Variants in CA12 observed in about 807,000 individuals in gnomAD.
The protein encoded by CA12 is carbonic anhydrase 12.
In CA12, 36 loss-of-function variants were observed where a neutral mutation model predicts 46.8. The observed-to-expected ratio is 0.77, with a 90% CI of 0.59 to 1.02. The LOEUF (loss-of-function observed/expected upper bound fraction) is 1.02. Ranked by LOEUF, CA12 falls within the 50% of genes least tolerant of loss-of-function variation. The probability of loss-of-function intolerance (pLI) is 0.00; values close to 1 mark genes in which losing one functional copy is unlikely to be tolerated. For synonymous variants in CA12, 202 were observed against 187.0 expected (o/e 1.08, Z -0.65); for missense variants, 436 against 451.4 (o/e 0.97, Z 0.31).
chr15:63,376,110 A>C (rs942003887), intron 1 of CA12, among the ~76,000 whole-genome samples: 1 of 152,090 alleles, frequency 6.6e-6, no homozygotes, highest in African/African-American at 2.4e-5. Context: ...TGCCCGGCCA[A>C]ATTGAAACTT....
chr15:63,368,499 G>A (rs555864305), intron 2 of CA12, among the ~76,000 whole-genome samples: 12 of 152,318 alleles, frequency 7.9e-5, no homozygotes, highest in South Asian at 2.1e-4. Context: ...CCTCCTGCCC[G>A]CAGCCACCTT....
At position 63,381,753 on chromosome 15, in the gene CA12, G is replaced by C; in HGVS notation, c.-33C>G. 2 of 1,475,522 alleles carry C rather than the reference G, an allele frequency of 1.4e-6. No homozygotes were observed. The highest frequency in any genetic ancestry group is 1.8e-6 in the Non-Finnish European group (2 of 1,102,634). 91.4% of individuals were successfully genotyped at this position (1,475,522 alleles called of 1,614,324 possible). ...GGCTCCTGCGGGGCGGGCGCGGGCTGTGCCGGGGGCTCCCGGTGGCCGCTC... is the reference window on the plus strand; with the variant it reads ...GGCTCCTGCGGGGCGGGCGCGGGCTCTGCCGGGGGCTCCCGGTGGCCGCTC... On this transcript the variant is annotated 5_prime_UTR_variant, in exon 1 of 11. Transcript: ENST00000178638.
In CA12 at chr15:63,328,019, G is replaced by C. The variant is rs960508566; in HGVS notation, c.907+79C>G. On this transcript the variant is annotated intron_variant, in intron 9 of 10. Coordinates refer to ENST00000178638, the MANE Select transcript of CA12 (RefSeq NM_001218.5). The surrounding 1 kb of genome is among the most constrained non-coding windows in gnomAD (Gnocchi z 5.9). ...CAGAGCAATAGTACAGAGAAGCAGA[G>C]AGGACGGGCTTGGATCACACCAAGA... The C allele has an allele frequency of 1.5e-6, 2 of 1,348,394 alleles. No individual in the cohort carries two copies. The highest frequency in any genetic ancestry group is 2.1e-6 in the Non-Finnish European group (2 of 939,284). 83.5% of individuals were successfully genotyped at this position (1,348,394 alleles called of 1,614,324 possible). A position where few individuals can be genotyped will look rare whatever the true frequency, so the allele number is the denominator to read the frequency against.
intron 1 of CA12, among the ~76,000 whole-genome samples, chr15:63,380,122 G>C (rs945469446): frequency 2.0e-5 from 3 of 152,180 alleles, no homozygotes; most frequent in African/African-American, 7.2e-5. Flanking sequence ...CAAGGAAACT[G>C]CATGAGAATT....
chr15:63,337,712 C>T (rs2039021333), intron 8 of CA12, among the ~76,000 whole-genome samples: 1 of 151,478 alleles, frequency 6.6e-6, no homozygotes, highest in African/African-American at 2.4e-5. Context: ...ACCTCGGCCT[C>T]CCAAAGGAGG....
At chr15:63,334,854 G>C (rs1484323171) in intron 8 of CA12, among the ~76,000 whole-genome samples, 1 of 152,146 alleles carries the variant, frequency 6.6e-6, no homozygotes, top group African/African-American at 2.4e-5. Context: ...AATTCTAAAG[G>C]AAGATGGGGA....
chr15:63,381,348 T>G (rs930240036), intron 1 of CA12, among the ~76,000 whole-genome samples: 1 of 152,116 alleles, frequency 6.6e-6, no homozygotes, highest in Non-Finnish European at 1.5e-5. Flanking sequence ...TTGCATCTCC[T>G]CCCTGGTTAG....
Position 63,340,671 on chromosome 15 carries a change from C to T in CA12, c.589+49G>A, listed in dbSNP as rs773989455. On this transcript the variant is annotated intron_variant, in intron 6 of 10. Coordinates refer to ENST00000178638, the MANE Select transcript of CA12 (RefSeq NM_001218.5). The surrounding 1 kb of genome is among the most constrained non-coding windows in gnomAD (Gnocchi z 4.4). ...TTTTCTTAAAGTCACACAGGGCTGA[C>T]TACCTCCTTCTCCAGCAGAGAGTGA... 18 of 1,577,330 alleles carry T rather than the reference C, an allele frequency of 1.1e-5. No individual in the cohort carries two copies. In the Admixed American group the frequency reaches 2.2e-4, roughly 19 times the overall value.
Position 63,355,996 on chromosome 15 carries a change from C to T in CA12, c.107-9287G>A, listed in dbSNP as rs905764998. 6.6e-6 allele frequency among the ~76,000 whole-genome samples: 1 copy of T among 152,224 alleles called. No homozygotes were observed. The highest frequency in any genetic ancestry group is 1.5e-5 in the Non-Finnish European group (1 of 68,048). Reference sequence around the variant, plus strand: ...TTTTCATGCACTGTTATATGCATAACATTTACATGATTAAATATGGTGTTT... The same window carrying T: ...TTTTCATGCACTGTTATATGCATAATATTTACATGATTAAATATGGTGTTT... On this transcript the variant is annotated intron_variant, in intron 2 of 10. Coordinates refer to ENST00000178638, the MANE Select transcript of CA12 (RefSeq NM_001218.5). The surrounding 1 kb of genome is among the most constrained non-coding windows in gnomAD (Gnocchi z 4.1).
intron 2 of CA12, among the ~76,000 whole-genome samples, chr15:63,369,252 T>C (rs2039471383): frequency 6.6e-6 from 1 of 152,174 alleles, no homozygotes. Context: ...TTCAGAAAAG[T>C]GTGAAGAAGC....
intron 2 of CA12, among the ~76,000 whole-genome samples, chr15:63,351,326 C>T (rs960327173): frequency 4.6e-5 from 7 of 152,202 alleles, no homozygotes; most frequent in East Asian, 3.8e-4. Flanking sequence ...CCAGCCCCAG[C>T]CTTCCTTGTT....
chr15:63,357,952 C>T (rs1195091268), intron 2 of CA12, among the ~76,000 whole-genome samples: 1 of 152,198 alleles, frequency 6.6e-6, no homozygotes, highest in Non-Finnish European at 1.5e-5. Flanking sequence ...CTTCTTTCAT[C>T]TGGCATAATG....
rs1204920746 is a variant in CA12, at chr15:63,329,154, A to G, written c.875-1024T>C. 2.0e-5 allele frequency among the ~76,000 whole-genome samples: 3 copies of G among 152,224 alleles called. No homozygotes were observed. The highest frequency in any genetic ancestry group is 7.2e-5 in the African/African-American group (3 of 41,460). On this transcript the variant is annotated intron_variant, in intron 8 of 10. Transcript: ENST00000178638. This position sits in a 1 kb window ranked among gnomAD's most constrained non-coding sequence, Gnocchi z 4.8. ...CACCAGACTTCTCCCCCAGCCCATCAGCTTGTCATCATGGTTTGGTTCTAT... is the reference window on the plus strand; with the variant it reads ...CACCAGACTTCTCCCCCAGCCCATCGGCTTGTCATCATGGTTTGGTTCTAT...
At chr15:63,336,370 G>T (rs1335279074) in intron 8 of CA12, among the ~76,000 whole-genome samples, 1 of 152,052 alleles carries the variant, frequency 6.6e-6, no homozygotes, top group Admixed American at 6.6e-5. Flanking sequence ...TACAAGCGGG[G>T]GTTACTTTTG....
rs2039529286 is a variant in CA12 at position 63,373,240 on chromosome 15, C to T, written c.106+2418G>A. On this transcript the variant is annotated intron_variant, in intron 2 of 10. Transcript: ENST00000178638. This position sits in a 1 kb window ranked among gnomAD's most constrained non-coding sequence, Gnocchi z 4.9. The stretch of plus-strand genomic sequence containing the variant: ...ATTAGCCGGGCGTGATGGCACACCC[C>T]TGTAATCCCAGCTACTTGGGAGGCT... Among the ~76,000 whole-genome samples the T allele has an allele frequency of 6.6e-6, 1 of 152,046 alleles. No homozygotes were observed. Among genetic ancestry groups the T allele is most frequent in the South Asian group, 2.1e-4 (1 of 4,820 alleles).
intron 8 of CA12, among the ~76,000 whole-genome samples, chr15:63,337,430 G>A (rs1230688892): frequency 1.3e-5 from 2 of 152,186 alleles, no homozygotes; most frequent in Non-Finnish European, 2.9e-5. Context: ...ATTCTGACAA[G>A]TGGGTTAACG....
At chr15:63,344,149 G>A (rs1299000173) in intron 4 of CA12, among the ~76,000 whole-genome samples, 1 of 152,154 alleles carries the variant, frequency 6.6e-6, no homozygotes, top group Non-Finnish European at 1.5e-5. Flanking sequence ...ATGCAGATTC[G>A]CTGAGCTAGA....
At chr15:63,379,425 C>T (rs2039616625) in intron 1 of CA12, among the ~76,000 whole-genome samples, 2 of 152,196 alleles carry the variant, frequency 1.3e-5, no homozygotes, top group Non-Finnish European at 2.9e-5. Context: ...TCAGGAATTG[C>T]ACCCCCTGGT....
At chr15:63,343,827 C>T (rs1051701325) in intron 4 of CA12, among the ~76,000 whole-genome samples, 4 of 152,178 alleles carry the variant, frequency 2.6e-5, no homozygotes, top group African/African-American at 7.2e-5. Context: ...AAATAAATCT[C>T]GAGACCCCCA....
Sources: gnomAD v4.1 joint callset for allele counts (sites outside exome capture counted in the v4.1 genomes callset) on GRCh38, gnomAD v4.1.1 for gene constraint, Gnocchi (gnomAD v3.1) non-coding constraint, MANE v1.5 for transcripts, NCBI Gene and HGNC (gene_info 2026-07-23, HGNC 2026-07-21) for gene names.